PTCHD1: variants seen among roughly 807,000 people sequenced by gnomAD.
PTCHD1 encodes patched domain containing 1.
In PTCHD1, 3 loss-of-function variants were observed where a neutral mutation model predicts 34.6. The ratio of observed to expected loss-of-function variants is 0.09; its 90% CI spans 0.04 to 0.22. PTCHD1 has a LOEUF of 0.22. PTCHD1 is among the 10% of genes least tolerant of loss of function. The probability of loss-of-function intolerance (pLI) is 1.00; values close to 1 mark genes in which losing one functional copy is unlikely to be tolerated. For synonymous variants in PTCHD1, 305 were observed against 283.1 expected (o/e 1.08, Z -0.77); for missense variants, 504 against 685.5 (o/e 0.74, Z 2.96).
At chrX:23,365,897 A>T (rs1195309495) in intron 1 of PTCHD1, among the ~76,000 whole-genome samples, 1 of 112,427 alleles carries the variant, frequency 8.9e-6, no homozygotes, top group Admixed American at 9.4e-5. Context: ...CTCTGCTTGT[A>T]TAGTCTATGA....
intron 1 of PTCHD1, among the ~76,000 whole-genome samples, chrX:23,357,070 T>C (rs1265786790): frequency 8.9e-6 from 1 of 112,203 alleles, no homozygotes; most frequent in Non-Finnish European, 1.9e-5. Flanking sequence ...TACAAGTCTG[T>C]ATGACTGAAG....
At chrX:23,351,093 A>G (rs1381060552) in intron 1 of PTCHD1, 7 of 471,079 alleles carry the variant, frequency 1.5e-5, no homozygotes, top group South Asian at 4.1e-5. Context: ...ATGGGAAACC[A>G]AGTGCCATCT....
chrX:23,393,864 A>G lies in PTCHD1; in HGVS notation c.2346A>G (p.Thr782=). 8.3e-7 allele frequency: 1 copy of G among 1,211,606 alleles called. No individual in the cohort carries two copies. The highest frequency in any genetic ancestry group is 1.1e-6 in the Non-Finnish European group (1 of 895,304). The change falls in exon 3 of 3, where the codon ACA becomes ACG. Residue 782 remains threonine, a synonymous_variant. Coordinates refer to ENST00000379361, the MANE Select transcript of PTCHD1 (RefSeq NM_173495.3). Reference sequence around the variant, plus strand: ...CATTTGTTCTGGGCAAGGATTTCACAAGAACTAAATGGGTAAAAAATGCCC... The same window carrying G: ...CATTTGTTCTGGGCAAGGATTTCACGAGAACTAAATGGGTAAAAAATGCCC... ...LSTFVLGKDF[T]RTKWVKNALE...
At chrX:23,356,148 G>A (rs1488600009) in intron 1 of PTCHD1, among the ~76,000 whole-genome samples, 2 of 111,830 alleles carry the variant, frequency 1.8e-5, no homozygotes, top group Non-Finnish European at 1.9e-5. Flanking sequence ...TTTAATGCAC[G>A]CTGGTGATGC....
Position 23,400,028 on chromosome X carries a change from C to CCAAATGAGCCCTACTCT in PTCHD1, c.*5844_*5860dup, listed in dbSNP as rs1196290980. ...TACCACATCCTTAGAAGGCCTGCTC[C>CCAAATGAGCCCTACTCT]CAAATGAGCCCTACTCTGAGATGTC... On this transcript the variant is annotated 3_prime_UTR_variant, in exon 3 of 3. Coordinates refer to ENST00000379361, the MANE Select transcript of PTCHD1 (RefSeq NM_173495.3). 8.9e-6 allele frequency: 1 copy of CCAAATGAGCCCTACTCT among 111,980 alleles called. No individual in the cohort carries two copies. Among genetic ancestry groups the CCAAATGAGCCCTACTCT allele is most frequent in the Non-Finnish European group, 1.9e-5 (1 of 53,243 alleles). The allele number at this position is 111,980 out of a possible 1,213,427, so 9.2% of individuals were successfully genotyped here. A position where few individuals can be genotyped will look rare whatever the true frequency, so the allele number is the denominator to read the frequency against.
chrX:23,382,693 A>G (rs376948707), intron 2 of PTCHD1, among the ~76,000 whole-genome samples: 2 of 113,075 alleles, frequency 1.8e-5, no homozygotes, highest in African/African-American at 6.4e-5. Flanking sequence ...CTTGTTTGCA[A>G]TTTCTGAGGA....
At position 23,397,127 on chromosome X, in the gene PTCHD1, GTTTGTT is replaced by G. The variant is rs1208609044; in HGVS notation, c.*2944_*2949del. On this transcript the variant is annotated 3_prime_UTR_variant, in exon 3 of 3. Coordinates refer to ENST00000379361, the MANE Select transcript of PTCHD1 (RefSeq NM_173495.3). ...GGTTGGTTTTTAGTTGGTGTTTGTT[GTTTGTT>G]TACCAAAGAAAATATTCGATTCATC... 2 of 111,705 alleles carry G rather than the reference GTTTGTT, an allele frequency of 1.8e-5. No individual in the cohort carries two copies. Among genetic ancestry groups the G allele is most frequent in the Non-Finnish European group, 3.8e-5 (2 of 53,134 alleles). 9.2% of individuals were successfully genotyped at this position (111,705 alleles called of 1,213,427 possible).
In PTCHD1 at chrX:23,351,674, T is replaced by C. The variant is rs778857139; in HGVS notation, c.351+16448T>C. ...ATTTTTAGGTACTCCCTTGACTTTTTATTGTTGACTTAACTGGGTGCCGCT... is the reference window on the plus strand; with the variant it reads ...ATTTTTAGGTACTCCCTTGACTTTTCATTGTTGACTTAACTGGGTGCCGCT... On this transcript the variant is annotated intron_variant, in intron 1 of 2. Transcript: ENST00000379361. 7.9e-4 allele frequency among the ~76,000 whole-genome samples: 89 copies of C among 112,528 alleles called. 1 individual carries two copies. Among genetic ancestry groups the C allele is most frequent in the African/African-American group, 2.8e-3 (86 of 30,981 alleles).
chrX:23,390,336 AAAAAAAAAAC>A (rs2146649687), intron 2 of PTCHD1, among the ~76,000 whole-genome samples: 1 of 109,886 alleles, frequency 9.1e-6, no homozygotes, highest in Admixed American at 9.7e-5. Context: ...CAGGAAAAAA[AAAAAAAAAAC>A]AAAAAAAACA....
At position 23,397,197 on chromosome X, in the gene PTCHD1, T is replaced by C. The variant is rs1282542316; in HGVS notation, c.*3012T>C. ...CTGGTCAACTAAAAAACTGTGATAC[T>C]GGGACTTTTTTGGCCATTCATAAGG... On this transcript the variant is annotated 3_prime_UTR_variant, in exon 3 of 3. Transcript: ENST00000379361. 1 of 112,281 alleles carries C rather than the reference T, an allele frequency of 8.9e-6. No homozygotes were observed. The highest frequency in any genetic ancestry group is 1.9e-5 in the Non-Finnish European group (1 of 53,275). 9.3% of individuals were successfully genotyped at this position (112,281 alleles called of 1,213,427 possible).
In PTCHD1 at chrX:23,392,809, A is replaced by G. The variant is rs751061205; in HGVS notation, c.1291A>G (p.Ile431Val). Residue 431 changes from isoleucine (I) to valine (V), a missense_variant, in exon 3 of 3, where the codon ATA becomes GTA. Coordinates refer to ENST00000379361, the MANE Select transcript of PTCHD1 (RefSeq NM_173495.3). ...TTCCAGCCTAGTGTTCACTGGCTAC[A>G]TAGAAAACAATTACCAGCATAGTAT... ...YGSSLVFTGY[I>V]ENNYQHSIFC... The G allele has an allele frequency of 7.4e-6, 9 of 1,210,711 alleles. No homozygotes were observed. Among genetic ancestry groups the G allele is most frequent in the Middle Eastern group, 2.3e-4 (1 of 4,373 alleles).
intron 1 of PTCHD1, among the ~76,000 whole-genome samples, chrX:23,337,610 C>T (rs1220181497): frequency 9.1e-6 from 1 of 110,003 alleles, no homozygotes; most frequent in Non-Finnish European, 1.9e-5. Context: ...ATTGTTGTTA[C>T]TAGTGTTATT....
In PTCHD1 at chrX:23,396,191, T is replaced by C. The variant is rs1048518465; in HGVS notation, c.*2006T>C. 1 of 112,598 alleles carries C rather than the reference T, an allele frequency of 8.9e-6. No homozygotes were observed. The highest frequency in any genetic ancestry group is 3.2e-5 in the African/African-American group (1 of 30,875). The allele number at this position is 112,598 out of a possible 1,213,427, so 9.3% of individuals were successfully genotyped here. ...TCACGTACTGTTGTCCATACAGTTC[T>C]AAATACATGTGCAGGGGATTGTAGC... On this transcript the variant is annotated 3_prime_UTR_variant, in exon 3 of 3. Transcript: ENST00000379361.
At chrX:23,356,464 G>A (rs1318768354) in intron 1 of PTCHD1, among the ~76,000 whole-genome samples, 1 of 111,775 alleles carries the variant, frequency 8.9e-6, no homozygotes, top group Non-Finnish European at 1.9e-5. Context: ...GGGAGGGCAG[G>A]GGACTACAAC....
chrX:23,351,339 G>T, intron 1 of PTCHD1: 2 of 843,066 alleles, frequency 2.4e-6, no homozygotes, highest in South Asian at 4.2e-5. Flanking sequence ...CTGTCTCTCA[G>T]GCCCAGATGA....
intron 1 of PTCHD1, among the ~76,000 whole-genome samples, chrX:23,350,201 A>G (rs1601904281): frequency 9.0e-6 from 1 of 111,081 alleles, no homozygotes; most frequent in Non-Finnish European, 1.9e-5. Context: ...TCCTCTGTAA[A>G]GAAACCTATT....
intron 1 of PTCHD1, among the ~76,000 whole-genome samples, chrX:23,368,427 A>G (rs997283477): frequency 8.9e-6 from 1 of 112,227 alleles, no homozygotes; most frequent in Non-Finnish European, 1.9e-5. Context: ...ATGAAGTATC[A>G]TTCAATGTCA....
chrX:23,368,788 T>G (rs767172102), intron 1 of PTCHD1, among the ~76,000 whole-genome samples: 15 of 111,586 alleles, frequency 1.3e-4, no homozygotes, highest in South Asian at 7.6e-4. Flanking sequence ...CATGGCCGGG[T>G]GCGGTGGCTC....
In PTCHD1 at chrX:23,404,142, C is replaced by T. The variant is rs1325051330; in HGVS notation, c.*9957C>T. 8.9e-6 allele frequency: 1 copy of T among 112,455 alleles called. No homozygotes were observed. Among genetic ancestry groups the T allele is most frequent in the Non-Finnish European group, 1.9e-5 (1 of 53,289 alleles). The allele number at this position is 112,455 out of a possible 1,213,427, so 9.3% of individuals were successfully genotyped here. A position where few individuals can be genotyped will look rare whatever the true frequency, so the allele number is the denominator to read the frequency against. On this transcript the variant is annotated 3_prime_UTR_variant, in exon 3 of 3. Transcript: ENST00000379361. Reference sequence around the variant, plus strand: ...TGGCTCATGCCAAATACATGGAGTCCTTAGTTGACTATCTTTTCATATTAA... The same window carrying T: ...TGGCTCATGCCAAATACATGGAGTCTTTAGTTGACTATCTTTTCATATTAA...
Sources: allele counts gnomAD v4.1 joint callset (sites outside exome capture counted in the v4.1 genomes callset), GRCh38; gene constraint gnomAD v4.1.1; transcripts MANE v1.5; gene names NCBI Gene and HGNC (gene_info 2026-07-23, HGNC 2026-07-21).